The following DENND5A variants were observed in gnomAD, a reference collection of about 807,000 sequenced individuals.
DENND5A encodes the protein DENN domain-containing protein 5A.
Under a neutral mutation model 140.3 loss-of-function variants are expected in DENND5A, and 64 were observed. The ratio of observed to expected loss-of-function variants is 0.46; its 90% CI spans 0.37 to 0.56. The LOEUF (loss-of-function observed/expected upper bound fraction) is 0.56, where lower values mean the gene tolerates loss of function less well. Ranked by LOEUF, DENND5A falls within the 20% of genes least tolerant of loss-of-function variation. The pLI is 0.00. For synonymous variants in DENND5A, 605 were observed against 607.7 expected (o/e 1.00, Z 0.07); for missense variants, 1,292 against 1,593.8 (o/e 0.81, Z 3.22).
intron 1 of DENND5A, among the ~76,000 whole-genome samples, chr11:9,263,306 C>T (rs1852289370): frequency 6.6e-6 from 1 of 151,480 alleles, no homozygotes; most frequent in South Asian, 2.1e-4. Flanking sequence ...CTGCAACCTC[C>T]CCCTCCTGGG....
At chr11:9,237,355 G>A (rs1337241354) in intron 1 of DENND5A, among the ~76,000 whole-genome samples, 2 of 152,210 alleles carry the variant, frequency 1.3e-5, no homozygotes, top group Non-Finnish European at 2.9e-5. Context: ...CCAGGAGGCA[G>A]AGGTTGCAGT....
At position 9,192,531 on chromosome 11, in the gene DENND5A, A is replaced by C. The variant is rs1037357225; in HGVS notation, c.1137+963T>G. On this transcript the variant is annotated intron_variant, in intron 5 of 22. Transcript: ENST00000328194. ...TAATCACAGCTACTTGGGAGACTGA[A>C]GCAGGAGAATCACTTGAACCTGGAA... is the stretch of plus-strand genomic sequence containing the variant. 9.2e-5 allele frequency among the ~76,000 whole-genome samples: 14 copies of C among 151,966 alleles called. 1 individual carries two copies. The highest frequency in any genetic ancestry group is 5.9e-4 in the Admixed American group (9 of 15,246).
intron 3 of DENND5A, 81 bp downstream of exon 3, chr11:9,206,592 C>T (rs1849697721): frequency 9.9e-7 from 1 of 1,007,884 alleles, no homozygotes. Context: ...GGTGGCACCA[C>T]TGCTACCACA....
intron 10 of DENND5A, among the ~76,000 whole-genome samples, chr11:9,169,267 T>C (rs1045789338): frequency 6.6e-6 from 1 of 151,992 alleles, no homozygotes; most frequent in Non-Finnish European, 1.5e-5. Flanking sequence ...GCCAACGTGG[T>C]GAAACCCCGT....
chr11:9,193,641 A>C lies in DENND5A; in HGVS notation c.990T>G (p.Ala330=). The change falls in exon 5 of 23, where the codon GCT becomes GCG. Residue 330 remains alanine (A), a synonymous_variant. Transcript: ENST00000328194. ...GCTGCCACTGGAAAGGAAACATGAG[A>C]GCTGTAATCGTCTCCGCCACAGTCA... ...RLMTVAETIT[A]LMFPFQWQHV... 6.2e-7 allele frequency: 1 copy of C among 1,613,996 alleles called. No homozygotes were observed. Among genetic ancestry groups the C allele is most frequent in the Non-Finnish European group, 8.5e-7 (1 of 1,179,950 alleles).
intron 16 of DENND5A, among the ~76,000 whole-genome samples, chr11:9,146,210 T>C (rs1281474393): frequency 1.3e-5 from 2 of 152,230 alleles, no homozygotes; most frequent in African/African-American, 2.4e-5. Flanking sequence ...AGAGGAAGTA[T>C]TGCAATCCTT....
chr11:9,143,339 G>GA lies in DENND5A; in HGVS notation c.3387+63dup, dbSNP rs1239267001. ...CTGGAAGAGCATAACAAGATAATCG[G>GA]AAAAACAAAATTATTCTCTCTTATT... On this transcript the variant is annotated intron_variant, in intron 20 of 22. Coordinates refer to ENST00000328194, the MANE Select transcript of DENND5A (RefSeq NM_015213.4). 4.1e-6 allele frequency: 6 copies of GA among 1,462,834 alleles called. No homozygotes were observed. The African/African-American group carries it at 6.9e-5, about 17-fold the overall frequency. 90.6% of individuals were successfully genotyped at this position (1,462,834 alleles called of 1,614,324 possible).
At chr11:9,164,068 T>TTG (rs1848093097) in intron 11 of DENND5A, among the ~76,000 whole-genome samples, 1 of 98,514 alleles carries the variant, frequency 1.0e-5, no homozygotes, top group African/African-American at 3.9e-5. Context: ...TTTTTTTTTT[T>TTG]TTTTTTTTTT....
intron 6 of DENND5A, among the ~76,000 whole-genome samples, chr11:9,179,806 C>G (rs1383140059): frequency 6.6e-6 from 1 of 152,156 alleles, no homozygotes; most frequent in African/African-American, 2.4e-5. Flanking sequence ...GCCCAAAACA[C>G]CTTTTTAATC....
At chr11:9,176,271 A>G (rs1281453084) in intron 8 of DENND5A, among the ~76,000 whole-genome samples, 1 of 152,252 alleles carries the variant, frequency 6.6e-6, no homozygotes, top group Non-Finnish European at 1.5e-5. Flanking sequence ...CAAGCCTGGC[A>G]AATTCATTCA....
chr11:9,167,019 T>C (rs1848213462), intron 10 of DENND5A, among the ~76,000 whole-genome samples: 1 of 152,076 alleles, frequency 6.6e-6, no homozygotes, highest in Non-Finnish European at 1.5e-5. Context: ...TATCATAAAG[T>C]ATAAAATTAA....
chr11:9,139,787 C>G lies in DENND5A; in HGVS notation c.3748G>C (p.Asp1250His). ...GTATGGTCTTTGATCAGTGCCACATCCTCATACATGTGTGCAGTGATGGGG... is the reference window on the plus strand; with the variant it reads ...GTATGGTCTTTGATCAGTGCCACATGCTCATACATGTGTGCAGTGATGGGG... ...DCPITAHMYE[D>H]VALIKDHTLV... is the part of the protein sequence containing the mutation. The change falls in exon 23 of 23, where the codon GAT becomes CAT. Residue 1250 changes from aspartate to histidine, a missense_variant. Around this residue, in one of 4 missense-constraint regions of DENND5A, gnomAD observed 498 missense variants for 689.7 expected, o/e 0.72. Coordinates refer to ENST00000328194, the MANE Select transcript of DENND5A (RefSeq NM_015213.4). The G allele has an allele frequency of 6.2e-7, 1 of 1,614,146 alleles. No homozygotes were observed. The highest frequency in any genetic ancestry group is 8.5e-7 in the Non-Finnish European group (1 of 1,180,012).
At chr11:9,154,419 G>A (rs1847736311) in intron 12 of DENND5A, among the ~76,000 whole-genome samples, 1 of 152,048 alleles carries the variant, frequency 6.6e-6, no homozygotes, top group African/African-American at 2.4e-5. Context: ...ACTTTCTGAG[G>A]AAAATTTTGT....
chr11:9,173,419 A>G (rs1455867369), intron 8 of DENND5A, among the ~76,000 whole-genome samples: 4 of 152,248 alleles, frequency 2.6e-5, no homozygotes, highest in Non-Finnish European at 5.9e-5. Context: ...TTTAAACAAA[A>G]ATGACCATGT....
Position 9,144,128 on chromosome 11 carries a change from C to T in DENND5A, c.3273G>A (p.Arg1091=), listed in dbSNP as rs746229657. 3 of 1,613,910 alleles carry T rather than the reference C, an allele frequency of 1.9e-6. No individual in the cohort carries two copies. The highest frequency in any genetic ancestry group is 2.5e-6 in the Non-Finnish European group (3 of 1,179,926). Residue 1091 remains arginine, a synonymous_variant, in exon 19 of 23, where the codon AGG becomes AGA. Transcript: ENST00000328194. ...TGTTGTTGGGTGAGATGGTAACAAG[C>T]CTCCGGATGACACTGGGGGACTGCT... ...PLQQSPSVIR[R]LVTISPNNKP...
intron 1 of DENND5A, among the ~76,000 whole-genome samples, chr11:9,233,493 A>G (rs1290428201): frequency 6.6e-6 from 1 of 152,090 alleles, no homozygotes; most frequent in African/African-American, 2.4e-5. Context: ...TCCACATCCT[A>G]ATCTCCAGAA....
intron 5 of DENND5A, among the ~76,000 whole-genome samples, chr11:9,192,430 C>G (rs1017862975): frequency 6.6e-6 from 1 of 152,106 alleles, no homozygotes; most frequent in African/African-American, 2.4e-5. Flanking sequence ...CGTTCGAGAC[C>G]AGCCTGGCCA....
chr11:9,149,964 A>T (rs1847557514), intron 15 of DENND5A, 117 bp downstream of exon 15: 2 of 1,362,770 alleles, frequency 1.5e-6, no homozygotes, highest in Non-Finnish European at 2.0e-6. Flanking sequence ...ATAAGCAAAG[A>T]GGTTAGCTGA....
chr11:9,194,742 C>T (rs1228224986), intron 4 of DENND5A, among the ~76,000 whole-genome samples: 13 of 147,460 alleles, frequency 8.8e-5, no homozygotes, highest in African/African-American at 2.5e-4. Flanking sequence ...TTTTTTGTGA[C>T]GGGGTCTTGC....
Sources: gnomAD v4.1 joint callset for allele counts (sites outside exome capture counted in the v4.1 genomes callset) on GRCh38, gnomAD v4.1.1 for gene constraint, gnomAD v4.1.1 regional missense constraint, MANE v1.5 for transcripts, NCBI Gene and HGNC (gene_info 2026-07-23, HGNC 2026-07-21) for gene names.